The following SPTBN2 variants were observed in gnomAD, a reference collection of about 807,000 sequenced individuals.
The protein encoded by SPTBN2 is spectrin beta chain, non-erythrocytic 2.
Under a neutral mutation model 284.2 loss-of-function variants are expected in SPTBN2, and 107 were observed. The ratio of observed to expected loss-of-function variants is 0.38; its 90% confidence interval spans 0.32 to 0.44. The LOEUF (loss-of-function observed/expected upper bound fraction) is 0.44. Among genes scored for constraint, SPTBN2 ranks in the 20% least tolerant of loss-of-function variants. The pLI is 1.00. For missense variants in SPTBN2, 2,569 were observed against 3,287.1 expected (o/e 0.78, Z 5.34); for synonymous variants, 1,289 against 1,354.8 (o/e 0.95, Z 1.07).
At chr11:66,732,527 G>A (rs1402970226), upstream of SPTBN2, among the ~76,000 whole-genome samples, 1 of 151,874 alleles carries the variant, frequency 6.6e-6, no homozygotes, top group Non-Finnish European at 1.5e-5. Flanking sequence ...GCATGCGCCT[G>A]TAATCCCAGC....
At position 66,692,668 on chromosome 11, in the gene SPTBN2, C is replaced by G. The variant is rs1198338725; in HGVS notation, c.5058G>C (p.Arg1686=). 12 of 1,605,616 alleles carry G rather than the reference C, an allele frequency of 7.5e-6. No homozygotes were observed. The highest frequency in any genetic ancestry group is 1.0e-5 in the Non-Finnish European group (12 of 1,179,954). ...YAGLKELAGE[R]RERLQEHLRL... ...GGAGGTGCTCCTGCAGGCGCTCCCG[C>G]CGCTCTCCAGCCAGCTCCTTCAGGC... The change falls in exon 26 of 38, where the codon CGG becomes CGC. Residue 1686 remains arginine (R), a synonymous_variant. Transcript: ENST00000533211.
chr11:66,690,749 C>T (rs987035900), intron 27 of SPTBN2, among the ~76,000 whole-genome samples: 1 of 152,180 alleles, frequency 6.6e-6, no homozygotes, highest in Admixed American at 6.5e-5. Context: ...CCCCTGAAGA[C>T]ATCATGGGCT....
chr11:66,686,275 A>T, intron 37 of SPTBN2, 123 bp downstream of exon 37: 1 of 1,452,672 alleles, frequency 6.9e-7, no homozygotes, highest in Admixed American at 1.7e-5. Context: ...GCCGTCGCAC[A>T]CATCCAGTCT....
At chr11:66,738,733 C>G (rs1321173787) in intron 1 of SPTBN2, among the ~76,000 whole-genome samples, 3 of 152,022 alleles carry the variant, frequency 2.0e-5, no homozygotes, top group Admixed American at 2.0e-4. Context: ...CCAAGATGGT[C>G]TCTATCTCCT....
At chr11:66,720,956 GAT>G in intron 3 of SPTBN2, 126 bp downstream of exon 3, 1 of 1,285,522 alleles carries the variant, frequency 7.8e-7, no homozygotes, top group South Asian at 1.3e-5. Context: ...CCAGGGAATT[GAT>G]AGAGTGCTCT....
intron 1 of SPTBN2, among the ~76,000 whole-genome samples, chr11:66,741,157 TTGAAG>T (rs1249441285): frequency 6.6e-6 from 1 of 152,196 alleles, no homozygotes; most frequent in East Asian, 1.9e-4. Context: ...AAATCTCATC[TTGAAG>T]TGTAGTTCCC....
chr11:66,701,625 G>C lies in SPTBN2; in HGVS notation c.2775C>G (p.Gly925=), dbSNP rs753645112. The C allele has an allele frequency of 3.1e-6, 5 of 1,614,044 alleles. No homozygotes were observed. The East Asian group carries it at 1.1e-4, about 36-fold the overall frequency. ...CCTGGGTGTTGACAATGCGGTCTTT[G>C]CCTGGGGGGTTGGCCTTCAGTAACT... ...AEQLLKANPP[G]KDRIVNTQEQ... The change falls in exon 16 of 38, where the codon GGC becomes GGG. Residue 925 remains glycine, a synonymous_variant. Transcript: ENST00000533211.
Position 66,711,170 on chromosome 11 carries a change from A to C in SPTBN2, c.773-141T>G, listed in dbSNP as rs528121766. ...TTTAGAGCAAAATGACAACTTACCCATTCAAATGAAAAGGGCACCAAAAAG... is the reference window on the plus strand; with the variant it reads ...TTTAGAGCAAAATGACAACTTACCCCTTCAAATGAAAAGGGCACCAAAAAG... On this transcript the variant is annotated intron_variant, in intron 8 of 37. Coordinates refer to ENST00000533211, the MANE Select transcript of SPTBN2 (RefSeq NM_006946.4). 529 of 732,182 alleles carry C rather than the reference A, an allele frequency of 7.2e-4. 1 individual carries two copies. The highest frequency in any genetic ancestry group is 1.4e-3 in the Middle Eastern group (4 of 2,854). 45.4% of individuals were successfully genotyped at this position (732,182 alleles called of 1,614,324 possible).
intron 20 of SPTBN2, among the ~76,000 whole-genome samples, chr11:66,697,929 T>A (rs1332751918): frequency 6.6e-6 from 1 of 152,216 alleles, no homozygotes; most frequent in Non-Finnish European, 1.5e-5. Context: ...GGTCTCCTTT[T>A]GTCCCAACCA....
intron 21 of SPTBN2, among the ~76,000 whole-genome samples, chr11:66,695,161 C>A (rs1940835094): frequency 6.6e-6 from 1 of 152,224 alleles, no homozygotes; most frequent in Non-Finnish European, 1.5e-5. Context: ...TCAGCTGCTC[C>A]CTACACTTCC....
intron 37 of SPTBN2, 108 bp from the exon 38 acceptor site, chr11:66,686,212 T>C (rs756622383): frequency 1.4e-6 from 2 of 1,402,506 alleles, no homozygotes; most frequent in Non-Finnish European, 2.0e-6. Context: ...GCTGACTGTT[T>C]CATGCTATTA....
intron 1 of SPTBN2, among the ~76,000 whole-genome samples, chr11:66,722,370 C>A (rs543830102): frequency 4.0e-5 from 6 of 150,564 alleles, no homozygotes; most frequent in African/African-American, 1.2e-4. Flanking sequence ...GTCAGGAGAT[C>A]GAGACCATCC....
At chr11:66,741,281 G>A (rs1259281121) in intron 1 of SPTBN2, among the ~76,000 whole-genome samples, 1 of 152,118 alleles carries the variant, frequency 6.6e-6, no homozygotes. Context: ...GAGATCTGAT[G>A]GTTTTATAAG....
rs1258649656 is a variant in SPTBN2, at chr11:66,693,908, G to A, written c.4504-47C>T. 6 of 1,575,364 alleles carry A rather than the reference G, an allele frequency of 3.8e-6. No homozygotes were observed. Among genetic ancestry groups the A allele is most frequent in the Non-Finnish European group, 5.2e-6 (6 of 1,149,744 alleles). Reference sequence around the variant, plus strand: ...AGTGGAGGCCCAGAGGGCAAGGCAAGCAGCAGGGACTGATTAGTGGGAGTG... The same window carrying A: ...AGTGGAGGCCCAGAGGGCAAGGCAAACAGCAGGGACTGATTAGTGGGAGTG... On this transcript the variant is annotated intron_variant, in intron 22 of 37. Transcript: ENST00000533211. The surrounding 1 kb of genome is among the most constrained non-coding windows in gnomAD (Gnocchi z 5.7).
In SPTBN2 at chr11:66,692,968, A is replaced by G; in HGVS notation, c.4985+2T>C. 6.2e-7 allele frequency: 1 copy of G among 1,604,052 alleles called. No individual in the cohort carries two copies. The highest frequency in any genetic ancestry group is 1.1e-5 in the South Asian group (1 of 91,026). On this transcript the variant is annotated splice_donor_variant, in intron 25 of 37. Transcript: ENST00000533211. LOFTEE classifies it high-confidence loss of function. ...GCTGGGCCGGGCTGCCGCTGCACCC[A>G]CCTCTCTGGGTGCTCGTGGTCAATC...
chr11:66,690,245 C>T lies in SPTBN2; in HGVS notation c.5604G>A (p.Lys1868=), dbSNP rs756823035. 2.5e-6 allele frequency: 4 copies of T among 1,612,296 alleles called. No homozygotes were observed. The highest frequency in any genetic ancestry group is 3.4e-6 in the Non-Finnish European group (4 of 1,179,104). Residue 1868 remains lysine (K), a synonymous_variant, in exon 28 of 38, where the codon AAG becomes AAA. Coordinates refer to ENST00000533211, the MANE Select transcript of SPTBN2 (RefSeq NM_006946.4). The stretch of plus-strand genomic sequence containing the variant: ...CCTCAGCCTTGTCTCCAGCGTAGGC[C>T]TTCTGGAGCCGGTGGCCGTCGTCCT... ...QVQDDGHRLQ[K]AYAGDKAEEI...
At chr11:66,686,503 T>C in intron 36 of SPTBN2, 63 bp from the exon 37 acceptor site, 2 of 1,590,054 alleles carry the variant, frequency 1.3e-6, no homozygotes, top group Non-Finnish European at 1.7e-6. Context: ...TAGCTGCTGG[T>C]GAGAGCGTAA....
At chr11:66,692,264 G>C (rs1218261323) in intron 26 of SPTBN2, among the ~76,000 whole-genome samples, 1 of 151,256 alleles carries the variant, frequency 6.6e-6, no homozygotes. Context: ...TTGTAGAGAT[G>C]GGGGGTCTCA....
intron 21 of SPTBN2, among the ~76,000 whole-genome samples, chr11:66,695,585 G>A (rs1031205830): frequency 2.6e-5 from 4 of 151,962 alleles, no homozygotes; most frequent in Non-Finnish European, 5.9e-5. Context: ...CATATAATCC[G>A]CAGCTGCTTT....
Sources: allele counts gnomAD v4.1 joint callset (sites outside exome capture counted in the v4.1 genomes callset), GRCh38; gene constraint gnomAD v4.1.1; non-coding constraint Gnocchi (gnomAD v3.1); transcripts MANE v1.5; gene names NCBI Gene and HGNC (gene_info 2026-07-23, HGNC 2026-07-21).